BMAL1: variants seen among roughly 807,000 people sequenced by gnomAD.
BMAL1 encodes basic helix-loop-helix ARNT like 1.
chr11:13,317,189 T>C, the BMAL1 span, among the ~76,000 whole-genome samples: 2 of 152,208 alleles, frequency 1.3e-5, no homozygotes, highest in African/African-American at 2.4e-5. Context: ...GGAACAGATA[T>C]AAAGTCTAAA....
the BMAL1 span, among the ~76,000 whole-genome samples, chr11:13,284,256 A>ATG: frequency 4.0e-5 from 1 of 25,014 alleles, no homozygotes; most frequent in Non-Finnish European, 8.3e-5. Context: ...ATATATATAT[A>ATG]TATATATATA....
the BMAL1 span, among the ~76,000 whole-genome samples, chr11:13,361,266 G>C: frequency 3.3e-5 from 5 of 152,218 alleles, no homozygotes; most frequent in African/African-American, 1.2e-4. Flanking sequence ...CTTCCATGAA[G>C]AATTAGGTCG....
chr11:13,363,092 G>C, the BMAL1 span, among the ~76,000 whole-genome samples: 1 of 132,574 alleles, frequency 7.5e-6, no homozygotes, highest in Non-Finnish European at 1.6e-5. Context: ...GTACAGGCTT[G>C]ATTATTTTAA....
At chr11:13,282,005 A>G in the BMAL1 span, among the ~76,000 whole-genome samples, 2 of 152,130 alleles carry the variant, frequency 1.3e-5, no homozygotes, top group Non-Finnish European at 2.9e-5. Flanking sequence ...GTGTTCTGCT[A>G]GCAGGTCCGT....
chr11:13,311,339 C>T, the BMAL1 span, among the ~76,000 whole-genome samples: 11 of 152,150 alleles, frequency 7.2e-5, no homozygotes, highest in East Asian at 1.9e-4. Flanking sequence ...GACGGGAAGA[C>T]GATGGAAGAG....
At chr11:13,350,903 G>A in the BMAL1 span, among the ~76,000 whole-genome samples, 2 of 152,162 alleles carry the variant, frequency 1.3e-5, no homozygotes, top group South Asian at 2.1e-4. Flanking sequence ...GATGAACAAA[G>A]AATTAATATT....
At chr11:13,281,196 C>A in the BMAL1 span, among the ~76,000 whole-genome samples, 5 of 152,276 alleles carry the variant, frequency 3.3e-5, no homozygotes, top group African/African-American at 1.2e-4. Context: ...TCCCCTGCCC[C>A]ACCCTGAAAA....
chr11:13,352,651 T>C, the BMAL1 span, among the ~76,000 whole-genome samples: 11,858 of 152,274 alleles, frequency 0.078, 692 homozygotes, highest in African/African-American at 0.16. Flanking sequence ...AAGAAATAAT[T>C]GCTCAAATGC....
At chr11:13,289,222 C>T in the BMAL1 span, among the ~76,000 whole-genome samples, 23 of 152,236 alleles carry the variant, frequency 1.5e-4, 1 homozygote, top group Admixed American at 1.4e-3. Flanking sequence ...AGCAGCAGTG[C>T]AGTTTTAATA....
the BMAL1 span, among the ~76,000 whole-genome samples, chr11:13,284,403 C>CT: frequency 6.6e-4 from 95 of 143,114 alleles, no homozygotes; most frequent in South Asian, 2.7e-3. Context: ...TTAGATACCA[C>CT]TTTTTTTTTT....
At chr11:13,304,877 T>C in the BMAL1 span, among the ~76,000 whole-genome samples, 1 of 152,332 alleles carries the variant, frequency 6.6e-6, no homozygotes, top group African/African-American at 2.4e-5. Context: ...CTCCTTGCCT[T>C]CTGTTCTTTG....
chr11:13,358,583 C>T, the BMAL1 span: 17 of 1,596,726 alleles, frequency 1.1e-5, no homozygotes, highest in Admixed American at 2.8e-4. Flanking sequence ...CACATGAAAA[C>T]ATTAAGAGGT....
the BMAL1 span, among the ~76,000 whole-genome samples, chr11:13,301,395 G>T: frequency 6.6e-6 from 1 of 152,226 alleles, no homozygotes; most frequent in Non-Finnish European, 1.5e-5. Flanking sequence ...TTTCTGAGAA[G>T]CTCATGACCA....
At chr11:13,295,122 C>T in the BMAL1 span, among the ~76,000 whole-genome samples, 760 of 152,240 alleles carry the variant, frequency 5.0e-3, 5 homozygotes, top group African/African-American at 0.017. Context: ...AGTTGGCCCA[C>T]AGCTGGCAGG....
At chr11:13,285,803 GTAATTTTATAAAATAA>G in the BMAL1 span, among the ~76,000 whole-genome samples, 1 of 152,082 alleles carries the variant, frequency 6.6e-6, no homozygotes, top group African/African-American at 2.4e-5. Context: ...TTATAAAATA[GTAATTTTATAAAATAA>G]TAATTTATCA....
the BMAL1 span, among the ~76,000 whole-genome samples, chr11:13,290,955 C>T: frequency 6.6e-6 from 1 of 152,140 alleles, no homozygotes; most frequent in African/African-American, 2.4e-5. Context: ...GCTCTTTTTT[C>T]TTCATAGCTT....
At chr11:13,360,980 G>A in the BMAL1 span, among the ~76,000 whole-genome samples, 1 of 152,156 alleles carries the variant, frequency 6.6e-6, no homozygotes, top group South Asian at 2.1e-4. Context: ...GCTGGGTGTG[G>A]TGGCAGATGC....
chr11:13,385,676 C>T, the BMAL1 span: 1 of 1,594,312 alleles, frequency 6.3e-7, no homozygotes, highest in Non-Finnish European at 8.6e-7. Flanking sequence ...CACTTCCCTC[C>T]TTTTGTTTGT....
chr11:13,294,288 T>C, the BMAL1 span, among the ~76,000 whole-genome samples: 3 of 152,208 alleles, frequency 2.0e-5, no homozygotes, highest in African/African-American at 7.2e-5. Context: ...CTAAACTCTT[T>C]TAAAATCTCA....
Sources: allele counts gnomAD v4.1 joint callset (sites outside exome capture counted in the v4.1 genomes callset), GRCh38; gene constraint gnomAD v4.1.1; transcripts MANE v1.5; gene names NCBI Gene and HGNC (gene_info 2026-07-23, HGNC 2026-07-21).